The following LONP2 variants were observed in gnomAD, a reference collection of about 807,000 sequenced individuals.
LONP2 encodes the protein lon peptidase 2, peroxisomal, also known as lon protease homolog 2, peroxisomal.
Under a neutral mutation model 85.6 loss-of-function variants are expected in LONP2, and 60 were observed. The observed-to-expected ratio is 0.70, with a 90% confidence interval of 0.57 to 0.87. The LOEUF is 0.87. LONP2 is among the 40% of genes least tolerant of loss of function. LONP2 has a pLI of 0.00. For missense variants in LONP2, 860 were observed against 1,063.5 expected (o/e 0.81, Z 2.66); for synonymous variants, 395 against 389.7 (o/e 1.01, Z -0.16).
At chr16:48,265,301 T>A (rs1181801022) in intron 6 of LONP2, among the ~76,000 whole-genome samples, 1 of 152,212 alleles carries the variant, frequency 6.6e-6, no homozygotes, top group Non-Finnish European at 1.5e-5. Context: ...CAGACCAATG[T>A]CAAGGAGCTT....
intron 9 of LONP2, among the ~76,000 whole-genome samples, chr16:48,298,626 GGTGTGTGT>G (rs3138605): frequency 0.047 from 6,331 of 134,374 alleles, 176 homozygotes; most frequent in Middle Eastern, 0.074. Context: ...ATTTAATTGA[GGTGTGTGT>G]GTGTGTGTGT....
Position 48,285,474 on chromosome 16 carries a change from G to A in LONP2, c.1383+7995G>A, listed in dbSNP as rs141900044. Among the ~76,000 whole-genome samples the A allele has an allele frequency of 8.7e-3, 1,317 of 151,816 alleles. 23 individuals carry two copies. The highest frequency in any genetic ancestry group is 0.03 in the African/African-American group (1,258 of 41,362). On this transcript the variant is annotated intron_variant, in intron 8 of 14. Coordinates refer to ENST00000285737, the MANE Select transcript of LONP2 (RefSeq NM_031490.5). ...TCTGAAACTCGTATTATGGTGTGTT[G>A]GTAATCTTTGTGGAGTCCCGTAGGT... is the stretch of plus-strand genomic sequence containing the variant.
intron 1 of LONP2, among the ~76,000 whole-genome samples, chr16:48,246,333 A>G (rs1401560674): frequency 6.6e-6 from 1 of 152,160 alleles, no homozygotes; most frequent in Non-Finnish European, 1.5e-5. Context: ...TTCCCAACAT[A>G]CGACTCTGCT....
intron 11 of LONP2, among the ~76,000 whole-genome samples, chr16:48,319,207 C>G (rs989339595): frequency 1.3e-5 from 2 of 152,058 alleles, no homozygotes; most frequent in Non-Finnish European, 2.9e-5. Flanking sequence ...CAGTGAAACC[C>G]TGTCTCTACT....
In LONP2 at chr16:48,334,370, T is replaced by C. The variant is rs569308187; in HGVS notation, c.1938+12T>C. On this transcript the variant is annotated intron_variant, in intron 12 of 14. Transcript: ENST00000285737. ...TGTATGAAATGGAGGTGATTCATTC[T>C]TTTTATTTCTTTTTGCTCCAGTCAA... The C allele has an allele frequency of 9.0e-5, 146 of 1,614,158 alleles. No homozygotes were observed. In the East Asian group the frequency reaches 3.1e-3, roughly 34 times the overall value.
At chr16:48,267,341 C>G (rs1011912767) in intron 6 of LONP2, among the ~76,000 whole-genome samples, 9 of 152,090 alleles carry the variant, frequency 5.9e-5, no homozygotes, top group Non-Finnish European at 1.3e-4. Flanking sequence ...GCTCTGTCAC[C>G]CAGTCTGGAG....
chr16:48,334,553 G>T, intron 12 of LONP2, 195 bp downstream of exon 12: 1 of 712,882 alleles, frequency 1.4e-6, no homozygotes, highest in Non-Finnish European at 2.5e-6. Context: ...GCGCAGGCGA[G>T]CACAGCTCTT....
At position 48,351,598 on chromosome 16, in the gene LONP2, C is replaced by CAA; in HGVS notation, c.2357_2358dup (p.Val787LysfsTer10). The stretch of plus-strand genomic sequence containing the variant: ...CCTTACAGGTGGGTGGAATTAAAGA[C>CAA]AAAGTGCTGGCGGCACACAGAGCGG... On this transcript the variant is annotated frameshift_variant, in exon 15 of 15. Coordinates refer to ENST00000285737, the MANE Select transcript of LONP2 (RefSeq NM_031490.5). LOFTEE classifies it high-confidence loss of function. The CAA allele has an allele frequency of 6.2e-7, 1 of 1,613,856 alleles. No homozygotes were observed.
chr16:48,268,417 A>C (rs1007397548), intron 6 of LONP2, among the ~76,000 whole-genome samples: 4 of 152,148 alleles, frequency 2.6e-5, no homozygotes, highest in African/African-American at 9.7e-5. Context: ...TTTAGGTACA[A>C]GATGATATTT....
At chr16:48,296,266 A>G (rs1382389918) in intron 9 of LONP2, 101 bp downstream of exon 9, 2 of 1,274,124 alleles carry the variant, frequency 1.6e-6, no homozygotes, top group Non-Finnish European at 2.2e-6. Context: ...TTCATTTGCC[A>G]ACATACAATC....
chr16:48,313,343 C>G (rs1488200545), intron 11 of LONP2, among the ~76,000 whole-genome samples: 1 of 151,970 alleles, frequency 6.6e-6, no homozygotes, highest in Non-Finnish European at 1.5e-5. Flanking sequence ...TTTTAAGTTC[C>G]AGGGTACATG....
Position 48,356,950 on chromosome 16 carries a change from A to G in LONP2, c.*5148A>G, listed in dbSNP as rs1960389849. On this transcript the variant is annotated 3_prime_UTR_variant, in exon 15 of 15. Transcript: ENST00000285737. ...GGTGTCCTTTTGCTCCATTATTTAT[A>G]TCTGTAAACCTGTTATTATTTTCAG... The G allele has an allele frequency of 6.5e-6, 1 of 154,784 alleles. No individual in the cohort carries two copies. Among genetic ancestry groups the G allele is most frequent in the Admixed American group, 6.5e-5 (1 of 15,408 alleles). 9.6% of individuals were successfully genotyped at this position (154,784 alleles called of 1,614,324 possible). A position where few individuals can be genotyped will look rare whatever the true frequency, so the allele number is the denominator to read the frequency against.
chr16:48,280,369 G>A (rs1386757676), intron 8 of LONP2, among the ~76,000 whole-genome samples: 1 of 152,146 alleles, frequency 6.6e-6, no homozygotes, highest in Non-Finnish European at 1.5e-5. Flanking sequence ...ACCAAAGACA[G>A]CTTTACAAGT....
At chr16:48,326,905 A>G (rs1028075428) in intron 11 of LONP2, among the ~76,000 whole-genome samples, 1 of 152,228 alleles carries the variant, frequency 6.6e-6, no homozygotes, top group Non-Finnish European at 1.5e-5. Context: ...TGAATAGAGA[A>G]GAACAGTTGA....
chr16:48,361,543 G>C (rs774216786), downstream of LONP2: 6 of 1,599,840 alleles, frequency 3.8e-6, no homozygotes, highest in Non-Finnish European at 5.1e-6. Context: ...TGAAACTGAA[G>C]TTTTAAACAC....
chr16:48,255,163 A>G (rs1971732291), intron 2 of LONP2, among the ~76,000 whole-genome samples: 2 of 152,366 alleles, frequency 1.3e-5, no homozygotes, highest in Admixed American at 1.3e-4. Flanking sequence ...TCTCAGTCGC[A>G]TAATGTGAGT....
At chr16:48,306,487 A>T (rs1283923324) in intron 11 of LONP2, among the ~76,000 whole-genome samples, 1 of 152,246 alleles carries the variant, frequency 6.6e-6, no homozygotes, top group African/African-American at 2.4e-5. Context: ...CTCCTAAAAG[A>T]TAATATAGTT....
chr16:48,338,710 C>A (rs1959727334), intron 12 of LONP2, among the ~76,000 whole-genome samples: 1 of 152,088 alleles, frequency 6.6e-6, no homozygotes, highest in Admixed American at 6.6e-5. Context: ...GAGTTCAAGA[C>A]CAGCCTGGGC....
At chr16:48,285,716 T>G (rs1298806814) in intron 8 of LONP2, among the ~76,000 whole-genome samples, 1 of 152,164 alleles carries the variant, frequency 6.6e-6, no homozygotes, top group African/African-American at 2.4e-5. Flanking sequence ...GTTTATATTC[T>G]CTATTTGTCA....
Sources: allele counts gnomAD v4.1 joint callset (sites outside exome capture counted in the v4.1 genomes callset), GRCh38; gene constraint gnomAD v4.1.1; transcripts MANE v1.5; gene names NCBI Gene and HGNC (gene_info 2026-07-23, HGNC 2026-07-21).